SCFD1: variants seen among roughly 807,000 people sequenced by gnomAD.
SCFD1 encodes the protein sec1 family domain-containing protein 1.
Under a neutral mutation model 103.2 loss-of-function variants are expected in SCFD1, and 37 were observed. That is an observed-to-expected ratio of 0.36 (90% confidence interval 0.28 to 0.47). The LOEUF (loss-of-function observed/expected upper bound fraction) is 0.47, where lower values mean the gene tolerates loss of function less well. Ranked by LOEUF, SCFD1 falls within the 20% of genes least tolerant of loss-of-function variation. The pLI is 1.00. For missense variants in SCFD1, 639 were observed against 761.2 expected, an observed-to-expected ratio of 0.84 and a Z score of 1.89; for synonymous variants, 264 against 245.0, an observed-to-expected ratio of 1.08 and a Z score of -0.73.
intron 14 of SCFD1, chr14:30,676,288 A>G (rs558464640): frequency 6.6e-6 from 1 of 152,332 alleles, no homozygotes; most frequent in Admixed American, 6.5e-5. Context: ...ATATTGTACT[A>G]GGCCCTGAAG....
chr14:30,632,065 A>G (rs941895598), intron 3 of SCFD1, among the ~76,000 whole-genome samples: 1 of 151,216 alleles, frequency 6.6e-6, no homozygotes, highest in African/African-American at 2.4e-5. Context: ...AAAAAAAAAA[A>G]AAAAAAGAAC....
At chr14:30,631,121 A>G (rs1451732261) in intron 3 of SCFD1, among the ~76,000 whole-genome samples, 3 of 152,206 alleles carry the variant, frequency 2.0e-5, no homozygotes, top group Admixed American at 6.5e-5. Flanking sequence ...TGGGAGGCCA[A>G]GGCGGGCAAA....
At chr14:30,682,263 G>C (rs1404459470) in intron 14 of SCFD1, among the ~76,000 whole-genome samples, 1 of 152,172 alleles carries the variant, frequency 6.6e-6, no homozygotes, top group Non-Finnish European at 1.5e-5. Flanking sequence ...TCCCATCTGT[G>C]TACAGAAGAG....
At chr14:30,693,219 A>G (rs966834928) in intron 14 of SCFD1, among the ~76,000 whole-genome samples, 3 of 152,176 alleles carry the variant, frequency 2.0e-5, no homozygotes, top group African/African-American at 7.2e-5. Flanking sequence ...GTACAGTATC[A>G]TACTTCTTGT....
chr14:30,701,843 G>C (rs1891102756), intron 16 of SCFD1, among the ~76,000 whole-genome samples: 1 of 152,072 alleles, frequency 6.6e-6, no homozygotes, highest in African/African-American at 2.4e-5. Flanking sequence ...CGGGACACCT[G>C]TTGTCCAGTT....
At chr14:30,695,355 A>C (rs757372775) in intron 15 of SCFD1, among the ~76,000 whole-genome samples, 2 of 152,218 alleles carry the variant, frequency 1.3e-5, no homozygotes, top group Non-Finnish European at 2.9e-5. Context: ...AAATATAACT[A>C]TTTGTACTTA....
At chr14:30,656,173 G>A (rs1052131072) in intron 10 of SCFD1, among the ~76,000 whole-genome samples, 1 of 151,970 alleles carries the variant, frequency 6.6e-6, no homozygotes, top group Non-Finnish European at 1.5e-5. Flanking sequence ...TGAGTAGGTA[G>A]TTACATGAGT....
chr14:30,719,612 T>G (rs981849269), intron 21 of SCFD1, among the ~76,000 whole-genome samples: 1 of 152,204 alleles, frequency 6.6e-6, no homozygotes, highest in Non-Finnish European at 1.5e-5. Context: ...TTACTGGTGT[T>G]TTTATGAAAT....
chr14:30,674,370 C>T (rs535179397), intron 13 of SCFD1, among the ~76,000 whole-genome samples: 116 of 151,944 alleles, frequency 7.6e-4, no homozygotes, highest in African/African-American at 2.7e-3. Context: ...AGGCTGGGCG[C>T]GGTAGCTCAC....
intron 23 of SCFD1, among the ~76,000 whole-genome samples, chr14:30,726,747 C>T (rs1484506562): frequency 1.3e-5 from 2 of 152,114 alleles, no homozygotes; most frequent in Admixed American, 1.3e-4. Flanking sequence ...TTTTTCCAGG[C>T]TGCTTGCCAC....
rs767360727 is a variant in SCFD1 at position 30,638,290 on chromosome 14, A to G, written c.435+43A>G. 8 of 1,611,318 alleles carry G rather than the reference A, an allele frequency of 5.0e-6. No homozygotes were observed. In the East Asian group the frequency reaches 1.8e-4, roughly 36 times the overall value. On this transcript the variant is annotated intron_variant, in intron 5 of 24. Coordinates refer to ENST00000458591, the MANE Select transcript of SCFD1 (RefSeq NM_016106.4). Reference sequence around the variant, plus strand: ...GTTGATGACATTTTGTCAATGTAAAATTTAACACTGTTCTGAAACCCGTAG... The same window carrying G: ...GTTGATGACATTTTGTCAATGTAAAGTTTAACACTGTTCTGAAACCCGTAG...
chr14:30,703,964 A>T (rs11850999), intron 17 of SCFD1, among the ~76,000 whole-genome samples: 7,642 of 33,688 alleles, frequency 0.23, 869 homozygotes, highest in African/African-American at 0.43. Context: ...TATATATATA[A>T]ATAATGAGAT....
At chr14:30,682,567 T>G (rs1446983740) in intron 14 of SCFD1, among the ~76,000 whole-genome samples, 1 of 152,182 alleles carries the variant, frequency 6.6e-6, no homozygotes, top group East Asian at 1.9e-4. Context: ...GCAATTGAGT[T>G]TTGGAGAATT....
chr14:30,635,493 T>C (rs775520601), intron 4 of SCFD1, among the ~76,000 whole-genome samples: 1 of 152,170 alleles, frequency 6.6e-6, no homozygotes, highest in Non-Finnish European at 1.5e-5. Flanking sequence ...CCATTACATA[T>C]GAATGAAATC....
intron 4 of SCFD1, among the ~76,000 whole-genome samples, chr14:30,636,682 T>C (rs559284092): frequency 2.6e-5 from 4 of 152,242 alleles, no homozygotes; most frequent in African/African-American, 9.6e-5. Context: ...CTTTGTACTT[T>C]TTTTCAGACT....
At chr14:30,711,687 T>G (rs1468169150) in intron 19 of SCFD1, among the ~76,000 whole-genome samples, 1 of 152,182 alleles carries the variant, frequency 6.6e-6, no homozygotes, top group Non-Finnish European at 1.5e-5. Flanking sequence ...TAAATCACTG[T>G]TAATTATGTA....
At chr14:30,668,227 G>C (rs904693439) in intron 10 of SCFD1, among the ~76,000 whole-genome samples, 2 of 151,996 alleles carry the variant, frequency 1.3e-5, no homozygotes, top group African/African-American at 4.8e-5. Context: ...CAGAACAGAG[G>C]CCTCAGAAAT....
chr14:30,715,323 G>A (rs1376920872), intron 19 of SCFD1: 2 of 152,148 alleles, frequency 1.3e-5, no homozygotes, highest in Non-Finnish European at 2.9e-5. Flanking sequence ...GCTCACGCCT[G>A]TAATCCCAGC....
chr14:30,673,948 G>T lies in SCFD1; in HGVS notation c.1111G>T (p.Ala371Ser). The T allele has an allele frequency of 3.7e-6, 6 of 1,613,694 alleles. 1 individual carries two copies. In the South Asian group the frequency reaches 6.6e-5, roughly 18 times the overall value. Reference protein sequence around the residue: ...IMGLEGEDEGAISMLSDNTAK... With the variant: ...IMGLEGEDEGSISMLSDNTAK... ...GGGACTAGAAGGGGAAGATGAAGGA[G>T]CCATAAGTATGCTTTCTGACAATAC... Residue 371 changes from alanine to serine, a missense_variant, in exon 13 of 25, where the codon GCC becomes TCC. Physicochemically the swap from Ala to Ser is moderately conservative, Grantham distance 99. Coordinates refer to ENST00000458591, the MANE Select transcript of SCFD1 (RefSeq NM_016106.4).
Sources: gnomAD v4.1 joint callset for allele counts (sites outside exome capture counted in the v4.1 genomes callset) on GRCh38, gnomAD v4.1.1 for gene constraint, MANE v1.5 for transcripts, NCBI Gene and HGNC (gene_info 2026-07-23, HGNC 2026-07-21) for gene names.